The following STON2 variants were observed in gnomAD, a reference collection of about 807,000 sequenced individuals.
STON2 encodes the protein stonin-2.
Under a neutral mutation model 65.7 loss-of-function variants are expected in STON2, and 29 were observed. That is an observed-to-expected ratio of 0.44 (90% CI 0.33 to 0.60). STON2 has a LOEUF of 0.60. Ranked by LOEUF, STON2 falls within the 20% of genes least tolerant of loss-of-function variation. The pLI is 0.03. For synonymous variants in STON2, 404 were observed against 414.2 expected (o/e 0.98, Z 0.30); for missense variants, 1,054 against 1,118.1 (o/e 0.94, Z 0.82).
intron 5 of STON2, among the ~76,000 whole-genome samples, chr14:81,306,453 C>A (rs1896188793): frequency 1.3e-5 from 2 of 151,748 alleles, no homozygotes; most frequent in South Asian, 4.2e-4. Context: ...CAGGTGTGAT[C>A]ATGGCATACT....
rs1340457407 is a variant in STON2 at position 81,263,560 on chromosome 14, A to C, written c.*4854T>G. The C allele has an allele frequency of 5.3e-6, 1 of 187,180 alleles. No individual in the cohort carries two copies. The highest frequency in any genetic ancestry group is 9.8e-6 in the Non-Finnish European group (1 of 101,976). 11.6% of individuals were successfully genotyped at this position (187,180 alleles called of 1,614,324 possible). A position where few individuals can be genotyped will look rare whatever the true frequency, so the allele number is the denominator to read the frequency against. On this transcript the variant is annotated 3_prime_UTR_variant, in exon 8 of 8. Transcript: ENST00000614646. ...CTCAAAAAAAAAAAAAAAAAAAAAA[A>C]CAAAAAAGAAAATGCTATTTTTTGG...
intron 1 of STON2, among the ~76,000 whole-genome samples, chr14:81,431,764 C>A (rs1402718178): frequency 6.8e-6 from 1 of 147,192 alleles, no homozygotes; most frequent in Non-Finnish European, 1.5e-5. Flanking sequence ...GCAACAACAG[C>A]GAAACTCTGT....
chr14:81,381,290 T>C lies in STON2; in HGVS notation c.374-10105A>G, dbSNP rs149568814. On this transcript the variant is annotated intron_variant, in intron 3 of 7. Transcript: ENST00000614646. ...CATGACTTTGGAGTAGAGAAATATT[T>C]TCTTTACCAAGACACAGAAAGCACT... Among the ~76,000 whole-genome samples, 107 of 151,608 alleles carry C rather than the reference T, an allele frequency of 7.1e-4. 1 individual carries two copies. Among genetic ancestry groups the C allele is most frequent in the African/African-American group, 2.5e-3 (104 of 40,916 alleles).
intron 4 of STON2, among the ~76,000 whole-genome samples, chr14:81,361,870 G>C (rs1033438328): frequency 9.2e-5 from 14 of 151,910 alleles, no homozygotes; most frequent in African/African-American, 3.4e-4. Context: ...ACATACAAAA[G>C]ACTAACAAAT....
intron 6 of STON2, among the ~76,000 whole-genome samples, chr14:81,274,843 T>C (rs1894744811): frequency 6.6e-6 from 1 of 152,000 alleles, no homozygotes; most frequent in African/African-American, 2.4e-5. Context: ...AGGTGGAAGT[T>C]GCAGTGAGCC....
At chr14:81,432,701 T>C (rs1902268576) in intron 1 of STON2, among the ~76,000 whole-genome samples, 2 of 152,220 alleles carry the variant, frequency 1.3e-5, no homozygotes, top group African/African-American at 4.8e-5. Flanking sequence ...AGCACTTGTA[T>C]GCTTCTTCTC....
At chr14:81,346,583 C>T (rs1404561914) in intron 4 of STON2, among the ~76,000 whole-genome samples, 1 of 152,160 alleles carries the variant, frequency 6.6e-6, no homozygotes, top group Non-Finnish European at 1.5e-5. Context: ...ATGAACCTAA[C>T]ATATATTTAT....
At chr14:81,344,154 A>T (rs1475148889) in intron 4 of STON2, among the ~76,000 whole-genome samples, 1 of 152,196 alleles carries the variant, frequency 6.6e-6, no homozygotes, top group Non-Finnish European at 1.5e-5. Flanking sequence ...CATCTATCAT[A>T]AAAGAAATTT....
intron 3 of STON2, among the ~76,000 whole-genome samples, chr14:81,393,800 CTCAGTGTTAGGTGT>C (rs924000459): frequency 6.6e-6 from 1 of 152,218 alleles, no homozygotes; most frequent in African/African-American, 2.4e-5. Flanking sequence ...CCAGAGCCTT[CTCAGTGTTAGGTGT>C]TCAGTAAGGG....
chr14:81,395,621 T>C, intron 3 of STON2: 2 of 400,598 alleles, frequency 5.0e-6, no homozygotes, highest in Non-Finnish European at 9.0e-6. Flanking sequence ...TAGAAAAATA[T>C]ATATGCATTA....
intron 1 of STON2, among the ~76,000 whole-genome samples, chr14:81,434,030 C>T (rs1480212838): frequency 6.6e-6 from 1 of 152,186 alleles, no homozygotes; most frequent in Non-Finnish European, 1.5e-5. Context: ...AGTGTTACCC[C>T]TCGGTCAAGC....
At chr14:81,380,386 T>C (rs1899456768) in intron 3 of STON2, among the ~76,000 whole-genome samples, 1 of 152,232 alleles carries the variant, frequency 6.6e-6, no homozygotes, top group Non-Finnish European at 1.5e-5. Flanking sequence ...TACACACTGC[T>C]GGTGGGAATG....
chr14:81,370,931 G>A, intron 4 of STON2, 57 bp downstream of exon 4: 7 of 1,524,124 alleles, frequency 4.6e-6, no homozygotes, highest in Non-Finnish European at 6.3e-6. Context: ...CTTTAAAGTG[G>A]ACCTGGGTAC....
intron 2 of STON2, among the ~76,000 whole-genome samples, chr14:81,411,112 G>C (rs904899214): frequency 6.6e-6 from 1 of 152,186 alleles, no homozygotes; most frequent in African/African-American, 2.4e-5. Context: ...CATTTTTAGT[G>C]GAGAAGGTTA....
intron 5 of STON2, among the ~76,000 whole-genome samples, chr14:81,308,687 G>A (rs908551891): frequency 1.3e-5 from 2 of 150,794 alleles, no homozygotes; most frequent in Non-Finnish European, 1.5e-5. Flanking sequence ...AGAAGAGAGG[G>A]CAGCTTTTGG....
chr14:81,266,434 T>C lies in STON2; in HGVS notation c.*1980A>G, dbSNP rs542789549. The stretch of plus-strand genomic sequence containing the variant: ...CTCAATAGAAATTTCTAGGCAGCTA[T>C]TGTATCATTCCCTCCTTGTCTGCAC... On this transcript the variant is annotated 3_prime_UTR_variant, in exon 8 of 8. Transcript: ENST00000614646. 2.0e-5 allele frequency among the ~76,000 whole-genome samples: 3 copies of C among 152,328 alleles called. No homozygotes were observed. The East Asian group carries it at 5.8e-4, about 29-fold the overall frequency.
chr14:81,393,828 C>G (rs1441544156), intron 3 of STON2, among the ~76,000 whole-genome samples: 2 of 152,102 alleles, frequency 1.3e-5, no homozygotes, highest in Non-Finnish European at 2.9e-5. Context: ...GTAAGGGAAG[C>G]CTGTCTGGAC....
At chr14:81,317,485 A>T (rs1424614082) in intron 5 of STON2, among the ~76,000 whole-genome samples, 1 of 152,222 alleles carries the variant, frequency 6.6e-6, no homozygotes, top group East Asian at 1.9e-4. Flanking sequence ...GTCACCATAA[A>T]ACATAATTTC....
rs551933657 is a variant in STON2, at chr14:81,264,628, T to C, written c.*3786A>G. ...TAAACTCTTACTCCCAGCCACTGGA[T>C]TTGAATAGAAATCAGTCTCATTTCA... On this transcript the variant is annotated 3_prime_UTR_variant, in exon 8 of 8. Transcript: ENST00000614646. 69 of 985,082 alleles carry C rather than the reference T, an allele frequency of 7.0e-5. No homozygotes were observed. The African/African-American group carries it at 1.2e-3, about 17-fold the overall frequency. The allele number at this position is 985,082 out of a possible 1,614,324, so 61.0% of individuals were successfully genotyped here.
Sources: gnomAD v4.1 joint callset for allele counts (sites outside exome capture counted in the v4.1 genomes callset) on GRCh38, gnomAD v4.1.1 for gene constraint, MANE v1.5 for transcripts, NCBI Gene and HGNC (gene_info 2026-07-23, HGNC 2026-07-21) for gene names.